The following RAD54B variants were observed in gnomAD, a reference collection of about 807,000 sequenced individuals.
RAD54B encodes DNA repair and recombination protein RAD54B.
A neutral mutation model predicts 95.8 loss-of-function variants in RAD54B; 78 were observed. The ratio of observed to expected loss-of-function variants is 0.81; its 90% CI spans 0.68 to 0.98. The LOEUF (loss-of-function observed/expected upper bound fraction) is 0.98. Among genes scored for constraint, RAD54B ranks in the 50% least tolerant of loss-of-function variants. The pLI is 0.00. For synonymous variants in RAD54B, 328 were observed against 354.9 expected, an observed-to-expected ratio of 0.92 and a Z score of 0.85; for missense variants, 957 against 1,056.6, an observed-to-expected ratio of 0.91 and a Z score of 1.31.
chr8:94,432,195 AT>A (rs1812116995), intron 3 of RAD54B: 1 of 1,550,138 alleles, frequency 6.5e-7, no homozygotes, highest in Non-Finnish European at 8.7e-7. Flanking sequence ...CTCCACTTCA[AT>A]TTTTGCTCTT....
At position 94,467,499 on chromosome 8, in the gene RAD54B, G is replaced by GA; in HGVS notation, c.40dup (p.Ser14PhefsTer14). 1 of 1,613,548 alleles carries GA rather than the reference G, an allele frequency of 6.2e-7. No homozygotes were observed. The highest frequency in any genetic ancestry group is 8.5e-7 in the Non-Finnish European group (1 of 1,179,948). ...AGGTATAAATTTTGGTTTTTTGAAG[G>GA]AATTCCCCTGCAACTGACTTGGTGC... On this transcript the variant is annotated frameshift_variant, in exon 2 of 15. Coordinates refer to ENST00000336148, the MANE Select transcript of RAD54B (RefSeq NM_012415.3). LOFTEE classifies it high-confidence loss of function.
chr8:94,436,846 G>T, intron 3 of RAD54B: 1 of 1,538,602 alleles, frequency 6.5e-7, no homozygotes, highest in Non-Finnish European at 8.8e-7. Context: ...GGTAAAATTG[G>T]AAGATCTAGC....
At chr8:94,456,918 C>T (rs910845640) in intron 3 of RAD54B, among the ~76,000 whole-genome samples, 1 of 152,186 alleles carries the variant, frequency 6.6e-6, no homozygotes, top group African/African-American at 2.4e-5. Flanking sequence ...CTCCAGTCCA[C>T]TGAATGTACT....
chr8:94,396,848 T>C (rs1811160380), intron 8 of RAD54B, among the ~76,000 whole-genome samples: 1 of 152,134 alleles, frequency 6.6e-6, no homozygotes, highest in South Asian at 2.1e-4. Flanking sequence ...TAATCCAATA[T>C]GACTGGTGTC....
At chr8:94,378,998 C>T (rs924446496) in intron 12 of RAD54B, among the ~76,000 whole-genome samples, 5 of 152,160 alleles carry the variant, frequency 3.3e-5, no homozygotes, top group African/African-American at 1.2e-4. Flanking sequence ...CCCCTGAGAA[C>T]TACCTAGGAT....
rs145810120 is a variant in RAD54B, at chr8:94,433,996, A to C, written c.305-22681T>G. 9.6e-3 allele frequency among the ~76,000 whole-genome samples: 1,456 copies of C among 151,900 alleles called. 15 individuals carry two copies. Among genetic ancestry groups the C allele is most frequent in the Non-Finnish European group, 0.017 (1,139 of 67,750 alleles). ...AGACAAAATGAAACATATATAGTAT[A>C]TAATAAAAAATCTATTTGTAGGTTA... is the stretch of plus-strand genomic sequence containing the variant. On this transcript the variant is annotated intron_variant, in intron 3 of 14. Coordinates refer to ENST00000336148, the MANE Select transcript of RAD54B (RefSeq NM_012415.3).
At chr8:94,455,188 C>T (rs917278144) in intron 3 of RAD54B, among the ~76,000 whole-genome samples, 30 of 152,150 alleles carry the variant, frequency 2.0e-4, no homozygotes, top group Non-Finnish European at 4.4e-4. Context: ...GACTTTTGTT[C>T]CAAAACACTT....
chr8:94,420,226 T>C (rs1811770427), intron 3 of RAD54B, among the ~76,000 whole-genome samples: 1 of 151,660 alleles, frequency 6.6e-6, no homozygotes, highest in Non-Finnish European at 1.5e-5. Flanking sequence ...CGACATGCTG[T>C]AGTAAAAGCG....
rs1376910487 is a variant in RAD54B at position 94,470,905 on chromosome 8, C to T, written c.-16-3350G>A. ...CACTCTCTTCATATACCACCAAAAT[C>T]GAGTCAGTACTATTCCCCAAGCTAG... On this transcript the variant is annotated intron_variant, in intron 1 of 14. Transcript: ENST00000336148. Among the ~76,000 whole-genome samples the T allele has an allele frequency of 3.3e-5, 5 of 152,286 alleles. No homozygotes were observed. The South Asian group carries it at 6.2e-4, about 19-fold the overall frequency.
chr8:94,395,707 T>C (rs983451269), intron 8 of RAD54B, among the ~76,000 whole-genome samples: 1 of 152,046 alleles, frequency 6.6e-6, no homozygotes, highest in African/African-American at 2.4e-5. Context: ...TTGAGGAAAG[T>C]CCCTCTTAAA....
intron 3 of RAD54B, among the ~76,000 whole-genome samples, chr8:94,412,834 T>C (rs1454818198): frequency 6.6e-6 from 1 of 151,960 alleles, no homozygotes; most frequent in East Asian, 1.9e-4. Flanking sequence ...CCCCAGAGAA[T>C]CTAAAAATAA....
At chr8:94,459,897 AC>A (rs1563665433) in intron 2 of RAD54B, among the ~76,000 whole-genome samples, 1 of 142,638 alleles carries the variant, frequency 7.0e-6, no homozygotes, top group African/African-American at 2.6e-5. Context: ...AGTGGCTCAC[AC>A]CTGTAATCCC....
At chr8:94,406,902 C>A (rs1292302151) in intron 5 of RAD54B, among the ~76,000 whole-genome samples, 1 of 152,058 alleles carries the variant, frequency 6.6e-6, no homozygotes, top group Non-Finnish European at 1.5e-5. Flanking sequence ...CAATCAGATA[C>A]AATCTAGGTT....
At chr8:94,375,155 ACTCAG>A (rs1435457968) in intron 14 of RAD54B, among the ~76,000 whole-genome samples, 19 of 152,294 alleles carry the variant, frequency 1.2e-4, no homozygotes, top group African/African-American at 4.3e-4. Context: ...ACATTCTCTG[ACTCAG>A]CAATACTAAA....
At chr8:94,402,314 C>T (rs1811285501) in intron 6 of RAD54B, among the ~76,000 whole-genome samples, 2 of 150,632 alleles carry the variant, frequency 1.3e-5, no homozygotes, top group Admixed American at 6.6e-5. Context: ...AGTGCAGTGG[C>T]GCTATCTTGG....
intron 8 of RAD54B, among the ~76,000 whole-genome samples, chr8:94,396,704 G>C (rs1280245518): frequency 6.6e-6 from 1 of 152,024 alleles, no homozygotes; most frequent in Non-Finnish European, 1.5e-5. Context: ...TAATCATTCA[G>C]CTCTTAATTG....
At chr8:94,428,736 A>G in intron 3 of RAD54B, 1 of 983,246 alleles carries the variant, frequency 1.0e-6, no homozygotes, top group South Asian at 4.7e-5. Context: ...CCAAGTGTAC[A>G]TTCCATTGTA....
In RAD54B at chr8:94,446,855, C is replaced by A. The variant is rs1015600241; in HGVS notation, c.304+11413G>T. Among the ~76,000 whole-genome samples, 21 of 152,044 alleles carry A rather than the reference C, an allele frequency of 1.4e-4. 1 individual carries two copies. The highest frequency in any genetic ancestry group is 4.4e-5 in the Non-Finnish European group (3 of 68,028). ...GGCCCTCATTCCTCAGATGAAGCAA[C>A]TGGTTAGCCTCCAGTGGCAGCAGAA... On this transcript the variant is annotated intron_variant, in intron 3 of 14. Transcript: ENST00000336148.
At chr8:94,399,653 G>A (rs1372945648) in intron 7 of RAD54B, 32 bp from the exon 8 acceptor site, 1 of 1,563,598 alleles carries the variant, frequency 6.4e-7, no homozygotes, top group East Asian at 2.3e-5. Flanking sequence ...TTAAAAATCA[G>A]GAACAGAAAC....
Sources: gnomAD v4.1 joint callset for allele counts (sites outside exome capture counted in the v4.1 genomes callset) on GRCh38, gnomAD v4.1.1 for gene constraint, MANE v1.5 for transcripts, NCBI Gene and HGNC (gene_info 2026-07-23, HGNC 2026-07-21) for gene names.